GDPD5: variants seen among roughly 807,000 people sequenced by gnomAD.
GDPD5 encodes glycerophosphodiester phosphodiesterase 2.
A neutral mutation model predicts 75.1 loss-of-function variants in GDPD5; 48 were observed. The ratio of observed to expected loss-of-function variants is 0.64; its 90% CI spans 0.51 to 0.81. The LOEUF is 0.81. Ranked by LOEUF, GDPD5 falls within the 40% of genes least tolerant of loss-of-function variation. GDPD5 has a pLI of 0.00. For synonymous variants in GDPD5, 336 were observed against 339.0 expected (o/e 0.99, Z 0.10); for missense variants, 706 against 822.6 (o/e 0.86, Z 1.73).
chr11:75,520,596 G>T (rs1489705364), intron 1 of GDPD5, among the ~76,000 whole-genome samples: 1 of 152,318 alleles, frequency 6.6e-6, no homozygotes, highest in Admixed American at 6.5e-5. Context: ...CCATGAATCA[G>T]CAGCAGAGGA....
intron 15 of GDPD5, 182 bp from the exon 16 acceptor site, chr11:75,437,230 A>C: frequency 7.2e-6 from 4 of 558,490 alleles, no homozygotes; most frequent in East Asian, 3.0e-5. Flanking sequence ...GAGCCTACTG[A>C]CTCTCGGCCA....
chr11:75,472,289 T>C (rs1949685242), intron 3 of GDPD5, among the ~76,000 whole-genome samples: 1 of 152,178 alleles, frequency 6.6e-6, no homozygotes. Flanking sequence ...CCCAGTGGCA[T>C]CTGGCTCAAT....
intron 3 of GDPD5, among the ~76,000 whole-genome samples, chr11:75,463,796 GC>G (rs1382542847): frequency 6.6e-6 from 1 of 151,542 alleles, no homozygotes; most frequent in East Asian, 1.9e-4. Flanking sequence ...CAGGAGTGTG[GC>G]CCCCTGACCT....
In GDPD5 at chr11:75,525,645, C is replaced by G. The variant is rs1281122193; in HGVS notation, c.-580G>C. The G allele has an allele frequency of 6.6e-6, 1 of 151,508 alleles. No homozygotes were observed. The highest frequency in any genetic ancestry group is 1.5e-5 in the Non-Finnish European group (1 of 67,822). 9.4% of individuals were successfully genotyped at this position (151,508 alleles called of 1,614,324 possible). ...GCGCAGCGGGTCAGGGCCGGGGCTC[C>G]GCGCGTCCCGGCCGCACGCCCCGAA... On this transcript the variant is annotated 5_prime_UTR_variant, in exon 1 of 17. Coordinates refer to ENST00000336898, the MANE Select transcript of GDPD5 (RefSeq NM_030792.8).
At chr11:75,463,035 G>A in intron 3 of GDPD5, 146 bp from the exon 4 acceptor site, 1 of 646,618 alleles carries the variant, frequency 1.5e-6, no homozygotes, top group South Asian at 1.8e-5. Context: ...GGGAGAAACT[G>A]AGGTTCAGAG....
intron 4 of GDPD5, among the ~76,000 whole-genome samples, chr11:75,460,276 G>A (rs1309504803): frequency 6.6e-6 from 1 of 152,046 alleles, no homozygotes; most frequent in Non-Finnish European, 1.5e-5. Context: ...TCCTCTTACT[G>A]TATGAATTGA....
chr11:75,511,265 T>C (rs1379253749), intron 1 of GDPD5, among the ~76,000 whole-genome samples: 1 of 152,238 alleles, frequency 6.6e-6, no homozygotes, highest in Non-Finnish European at 1.5e-5. Context: ...GCCAGGAAAC[T>C]AGCTCTGGCT....
intron 1 of GDPD5, among the ~76,000 whole-genome samples, chr11:75,496,779 CTTTT>C (rs544914858): frequency 9.7e-6 from 1 of 103,112 alleles, no homozygotes; most frequent in African/African-American, 3.6e-5. Context: ...TTCTTTCTTT[CTTTT>C]TTTTTTTTTT....
At chr11:75,481,106 G>A (rs1053749345) in intron 2 of GDPD5, among the ~76,000 whole-genome samples, 91 of 152,316 alleles carry the variant, frequency 6.0e-4, no homozygotes, top group African/African-American at 2.0e-3. Context: ...GGAGGAAAGG[G>A]AGCCTGTGGG....
chr11:75,521,217 C>T (rs1326122618), intron 1 of GDPD5, among the ~76,000 whole-genome samples: 1 of 152,224 alleles, frequency 6.6e-6, no homozygotes, highest in Non-Finnish European at 1.5e-5. Context: ...CGGCCTAGGG[C>T]CCAGGTCCTT....
chr11:75,448,945 C>A (rs147653061), intron 9 of GDPD5, 32 bp downstream of exon 9: 1 of 1,530,044 alleles, frequency 6.5e-7, no homozygotes, highest in South Asian at 1.3e-5. Context: ...CCCACCCCAA[C>A]GGGGCTGTTA....
At chr11:75,488,980 C>G (rs940410444) in intron 2 of GDPD5, among the ~76,000 whole-genome samples, 5 of 152,150 alleles carry the variant, frequency 3.3e-5, no homozygotes, top group African/African-American at 1.2e-4. Context: ...TATAGAGGAC[C>G]TATGTCCCCT....
At chr11:75,444,258 G>T (rs1296443835) in intron 10 of GDPD5, among the ~76,000 whole-genome samples, 155 bp downstream of exon 10, 1 of 152,106 alleles carries the variant, frequency 6.6e-6, no homozygotes, top group East Asian at 1.9e-4. Context: ...CCTGGAGTCT[G>T]CAGGAACAGG....
At chr11:75,509,224 G>A (rs953770156) in intron 1 of GDPD5, among the ~76,000 whole-genome samples, 1 of 152,184 alleles carries the variant, frequency 6.6e-6, no homozygotes, top group Non-Finnish European at 1.5e-5. Flanking sequence ...CTTCCTCAGA[G>A]GCCGAGACCC....
At chr11:75,449,276 C>T (rs1949067053) in intron 8 of GDPD5, among the ~76,000 whole-genome samples, 154 bp from the exon 9 acceptor site, 2 of 152,322 alleles carry the variant, frequency 1.3e-5, no homozygotes, top group African/African-American at 4.8e-5. Flanking sequence ...CTAACTCACA[C>T]AGACACAGGT....
At chr11:75,505,521 G>C (rs1950378584) in intron 1 of GDPD5, among the ~76,000 whole-genome samples, 1 of 152,158 alleles carries the variant, frequency 6.6e-6, no homozygotes, top group Non-Finnish European at 1.5e-5. Flanking sequence ...ATCAGAGAAT[G>C]ACCTGCAATT....
intron 1 of GDPD5, among the ~76,000 whole-genome samples, chr11:75,507,668 C>A (rs1312674475): frequency 6.6e-6 from 1 of 152,266 alleles, no homozygotes; most frequent in Non-Finnish European, 1.5e-5. Context: ...GAGGATAGGA[C>A]AGTGGGTCAA....
At chr11:75,510,252 C>T (rs1479346095) in intron 1 of GDPD5, among the ~76,000 whole-genome samples, 1 of 152,230 alleles carries the variant, frequency 6.6e-6, no homozygotes, top group Non-Finnish European at 1.5e-5. Flanking sequence ...TTCCCCTGCA[C>T]AAGCATCCAG....
chr11:75,514,261 C>A (rs1192468023), intron 1 of GDPD5, among the ~76,000 whole-genome samples: 1 of 152,250 alleles, frequency 6.6e-6, no homozygotes, highest in Non-Finnish European at 1.5e-5. Flanking sequence ...AGGACCCTAT[C>A]TGCTGTCTTC....
Sources: allele counts gnomAD v4.1 joint callset (sites outside exome capture counted in the v4.1 genomes callset), GRCh38; gene constraint gnomAD v4.1.1; transcripts MANE v1.5; gene names NCBI Gene and HGNC (gene_info 2026-07-23, HGNC 2026-07-21).